The following TMEM25 variants were observed in gnomAD, a reference collection of about 807,000 sequenced individuals.
The protein encoded by TMEM25 is 0610039J01Rik.
In TMEM25, 36 loss-of-function variants were observed where a neutral mutation model predicts 37.0. That is an observed-to-expected ratio of 0.97 (90% CI 0.75 to 1.28). The LOEUF (loss-of-function observed/expected upper bound fraction) is 1.28, where lower values mean the gene tolerates loss of function less well. Ranked by LOEUF, TMEM25 falls within the 50% of genes most tolerant of loss-of-function variation. TMEM25 has a pLI of 0.00. For missense variants in TMEM25, 444 were observed against 477.9 expected, an observed-to-expected ratio of 0.93 and a Z score of 0.66; for synonymous variants, 197 against 203.7, an observed-to-expected ratio of 0.97 and a Z score of 0.28.
At position 118,531,330 on chromosome 11, in the gene TMEM25, A is replaced by T. The variant is rs115843837; in HGVS notation, c.-28+96A>T. ...CCGCCGACATCCACCGGAGCCACCA[A>T]CATCAGGAAAGGGGGCGTAGGGCGA... is the stretch of plus-strand genomic sequence containing the variant. On this transcript the variant is annotated intron_variant, in intron 1 of 8. Transcript: ENST00000313236. 8.5e-3 allele frequency: 2,807 copies of T among 328,442 alleles called. 74 individuals carry two copies. Among genetic ancestry groups the T allele is most frequent in the African/African-American group, 0.058 (2,593 of 44,428 alleles). 20.3% of individuals were successfully genotyped at this position (328,442 alleles called of 1,614,324 possible).
chr11:118,533,327 G>A, intron 4 of TMEM25, 93 bp from the exon 5 acceptor site: 1 of 1,584,118 alleles, frequency 6.3e-7, no homozygotes, highest in Non-Finnish European at 8.6e-7. Flanking sequence ...ACTGTCCCCA[G>A]CCACCCTGGG....
rs1555062047 is a variant in TMEM25 at position 118,534,466 on chromosome 11, C to A, written c.1028-41C>A. ...AGAGAGCTCTCCAAATTCCAAGGAA[C>A]AAGCGTTACTGAGTCCCCGCGGGCT... On this transcript the variant is annotated intron_variant, in intron 8 of 8. Transcript: ENST00000313236. This position sits in a 1 kb window ranked among gnomAD's most constrained non-coding sequence, Gnocchi z 4.6. 6.2e-7 allele frequency: 1 copy of A among 1,613,236 alleles called. No individual in the cohort carries two copies.
chr11:118,545,601 C>A, intron 8 of TMEM25: 1 of 1,122,982 alleles, frequency 8.9e-7, no homozygotes, highest in South Asian at 1.3e-5. Context: ...GTCGCTATGA[C>A]TTTGGGGGTT....
At position 118,545,604 on chromosome 11, in the gene TMEM25, T is replaced by C. The variant is rs2277294; in HGVS notation, c.1028-515T>C. On this transcript the variant is annotated intron_variant, in intron 8 of 8. Transcript: ENST00000354284. ...GGCAGATGGGGTGTCGCTATGACTT[T>C]GGGGGTTAAATACCCAGCAGGTAGT... The C allele has an allele frequency of 7.2e-6, 8 of 1,114,424 alleles. No individual in the cohort carries two copies. In the East Asian group the frequency reaches 1.9e-4, roughly 26 times the overall value. 69.0% of individuals were successfully genotyped at this position (1,114,424 alleles called of 1,614,324 possible).
chr11:118,542,577 C>T (rs969690208), intron 8 of TMEM25, among the ~76,000 whole-genome samples: 5 of 150,340 alleles, frequency 3.3e-5, no homozygotes, highest in South Asian at 2.1e-4. Flanking sequence ...GAGACCAGCC[C>T]GGGCAACATA....
At position 118,544,365 on chromosome 11, in the gene TMEM25, C is replaced by T. The variant is rs576573112; in HGVS notation, c.1028-1754C>T. On this transcript the variant is annotated intron_variant, in intron 8 of 8. Coordinates refer to the TMEM25 transcript ENST00000354284. ...AAATTCCAGAGGAAAAATGATTCCCCTCGACTGCCAATCTTGGAGGATTGG... is the reference window on the plus strand; with the variant it reads ...AAATTCCAGAGGAAAAATGATTCCCTTCGACTGCCAATCTTGGAGGATTGG... Among the ~76,000 whole-genome samples, 244 of 152,328 alleles carry T rather than the reference C, an allele frequency of 1.6e-3. 1 individual carries two copies. The highest frequency in any genetic ancestry group is 5.8e-3 in the African/African-American group (241 of 41,564).
downstream of TMEM25, among the ~76,000 whole-genome samples, chr11:118,540,411 C>T (rs1029320245): frequency 1.3e-5 from 2 of 152,192 alleles, no homozygotes; most frequent in African/African-American, 2.4e-5. Context: ...GAGCTCCTTG[C>T]CACTCCAAAA....
chr11:118,545,323 T>C (rs539429926), intron 8 of TMEM25: 5 of 987,222 alleles, frequency 5.1e-6, no homozygotes, highest in Non-Finnish European at 4.8e-6. Context: ...TACATCGCTA[T>C]AGGATGCAAT....
intron 2 of TMEM25, 26 bp from the exon 3 acceptor site, chr11:118,532,124 C>T (rs1951308243): frequency 6.6e-7 from 1 of 1,520,526 alleles, no homozygotes; most frequent in Non-Finnish European, 8.8e-7. Context: ...CTGAGCCCTT[C>T]CCAGAGGCCT....
chr11:118,539,164 A>ATTTTTTTTTTTTT (rs1160816224), downstream of TMEM25, among the ~76,000 whole-genome samples: 1 of 100,594 alleles, frequency 9.9e-6, no homozygotes, highest in Non-Finnish European at 1.9e-5. Context: ...TTGGTCATAA[A>ATTTTTTTTTTTTT]TTTTTTTTTT....
downstream of TMEM25, among the ~76,000 whole-genome samples, chr11:118,539,903 C>A (rs1357343448): frequency 6.6e-6 from 1 of 151,148 alleles, no homozygotes; most frequent in African/African-American, 2.4e-5. Flanking sequence ...CACCTGTAGT[C>A]CCAGCTACTC....
intron 4 of TMEM25, 73 bp from the exon 5 acceptor site, chr11:118,533,347 C>A: frequency 6.3e-7 from 1 of 1,598,356 alleles, no homozygotes; most frequent in Admixed American, 1.7e-5. Flanking sequence ...GCAAGGAGGG[C>A]AGAGTAGTAC....
chr11:118,531,269 A>C, intron 1 of TMEM25, 35 bp downstream of exon 1: 1 of 362,800 alleles, frequency 2.8e-6, no homozygotes, highest in Non-Finnish European at 5.1e-6. Context: ...CGGGGGCGGG[A>C]TGCTCGGCGA....
At chr11:118,538,369 A>G (rs1555064299), downstream of TMEM25, among the ~76,000 whole-genome samples, 2 of 151,964 alleles carry the variant, frequency 1.3e-5, no homozygotes, top group African/African-American at 4.8e-5. Flanking sequence ...AGGTTTCACC[A>G]TATTGGCCAG....
intron 8 of TMEM25, among the ~76,000 whole-genome samples, chr11:118,541,393 C>T (rs1452261077): frequency 1.4e-5 from 2 of 145,968 alleles, no homozygotes; most frequent in Admixed American, 7.0e-5. Flanking sequence ...ACCTGGGAGG[C>T]GGAGCTTGCA....
chr11:118,538,430 G>C (rs574167726), downstream of TMEM25, among the ~76,000 whole-genome samples: 3 of 152,184 alleles, frequency 2.0e-5, no homozygotes, highest in South Asian at 2.1e-4. Context: ...GCCTCCCAAA[G>C]TGCTGGGATT....
In TMEM25 at chr11:118,535,367, G is replaced by T; in HGVS notation, c.*787G>T. ...TTGTAGCTATGCATCATTTTCCTACGGCGTTAGCACTTTAAGCACATCCCC... is the reference window on the plus strand; with the variant it reads ...TTGTAGCTATGCATCATTTTCCTACTGCGTTAGCACTTTAAGCACATCCCC... On this transcript the variant is annotated 3_prime_UTR_variant, in exon 9 of 9. Transcript: ENST00000313236. 7.2e-7 allele frequency: 1 copy of T among 1,398,458 alleles called. No homozygotes were observed. The highest frequency in any genetic ancestry group is 9.3e-7 in the Non-Finnish European group (1 of 1,079,334). The allele number at this position is 1,398,458 out of a possible 1,614,324, so 86.6% of individuals were successfully genotyped here. A position where few individuals can be genotyped will look rare whatever the true frequency, so the allele number is the denominator to read the frequency against.
intron 2 of TMEM25, 53 bp downstream of exon 2, chr11:118,531,924 C>A: frequency 1.3e-6 from 2 of 1,542,632 alleles, no homozygotes; most frequent in African/African-American, 2.7e-5. Flanking sequence ...AAAGCCCCCT[C>A]TCTCCCCTGT....
rs1016187961 is a variant in TMEM25, at chr11:118,535,030, G to A, written c.*450G>A. ...TGGATTTTCCTCCTTCCTATGCTATGTAGCCTTGTTCCCTCAGGTAAAATT... is the reference window on the plus strand; with the variant it reads ...TGGATTTTCCTCCTTCCTATGCTATATAGCCTTGTTCCCTCAGGTAAAATT... On this transcript the variant is annotated 3_prime_UTR_variant, in exon 9 of 9. Transcript: ENST00000313236. 9 of 1,035,650 alleles carry A rather than the reference G, an allele frequency of 8.7e-6. No homozygotes were observed. In the African/African-American group the frequency reaches 1.4e-4, roughly 16 times the overall value. The allele number at this position is 1,035,650 out of a possible 1,614,324, so 64.2% of individuals were successfully genotyped here. A position where few individuals can be genotyped will look rare whatever the true frequency, so the allele number is the denominator to read the frequency against.
Sources: allele counts gnomAD v4.1 joint callset (sites outside exome capture counted in the v4.1 genomes callset), GRCh38; gene constraint gnomAD v4.1.1; non-coding constraint Gnocchi (gnomAD v3.1); transcripts MANE v1.5; gene names NCBI Gene and HGNC (gene_info 2026-07-23, HGNC 2026-07-21).